Variants in SLC39A10 observed in about 807,000 individuals in gnomAD.
SLC39A10 encodes the protein zinc transporter ZIP10.
Under a neutral mutation model 65.1 loss-of-function variants are expected in SLC39A10, and 13 were observed. That is an observed-to-expected ratio of 0.20 (90% CI 0.13 to 0.32). The LOEUF (loss-of-function observed/expected upper bound fraction) is 0.32, where lower values mean the gene tolerates loss of function less well. Among genes scored for constraint, SLC39A10 ranks in the 10% least tolerant of loss-of-function variants. The probability of loss-of-function intolerance (pLI) is 1.00; values close to 1 mark genes in which losing one functional copy is unlikely to be tolerated. For missense variants in SLC39A10, 831 were observed against 1,018.4 expected, an observed-to-expected ratio of 0.82 and a Z score of 2.50; for synonymous variants, 321 against 342.2, an observed-to-expected ratio of 0.94 and a Z score of 0.68.
At chr2:195,635,053 A>C (rs1053680727) in intron 2 of SLC39A10, among the ~76,000 whole-genome samples, 14 of 152,226 alleles carry the variant, frequency 9.2e-5, no homozygotes, top group Admixed American at 2.0e-4. Context: ...TGTCTCCAAA[A>C]AAAACAAAAC....
chr2:195,656,754 C>G (rs1689154460), upstream of SLC39A10: 1 of 152,196 alleles, frequency 6.6e-6, no homozygotes, highest in African/African-American at 2.4e-5. Flanking sequence ...TCCAGTTGAT[C>G]ACTCTGAAGC....
intron 3 of SLC39A10, among the ~76,000 whole-genome samples, chr2:195,690,534 C>T (rs1398244283): frequency 1.3e-5 from 2 of 152,130 alleles, no homozygotes; most frequent in African/African-American, 4.8e-5. Flanking sequence ...CACATCTTTG[C>T]CAACACTTGT....
intron 9 of SLC39A10, among the ~76,000 whole-genome samples, chr2:195,733,955 G>A (rs1692505130): frequency 6.6e-6 from 1 of 152,048 alleles, no homozygotes; most frequent in Non-Finnish European, 1.5e-5. Flanking sequence ...TAGTTATGCT[G>A]GATAGCTCTG....
intron 3 of SLC39A10, among the ~76,000 whole-genome samples, chr2:195,700,043 T>G (rs548864662): frequency 1.3e-5 from 2 of 152,318 alleles, no homozygotes; most frequent in Non-Finnish European, 2.9e-5. Flanking sequence ...CCACCCCTGC[T>G]CTCTTTTGGT....
chr2:195,680,917 G>C lies in SLC39A10; in HGVS notation c.875G>C (p.Arg292Pro). Residue 292 changes from arginine (R) to proline (P), a missense_variant, in exon 2 of 10, where the codon CGT becomes CCT. Arg to Pro is a moderately radical substitution (Grantham distance 103). Transcript: ENST00000359634. ...LPERNGHDPG[R>P]GHQDLDPDNE... ...GAACGTAATGGTCATGATCCTGGTC[G>C]TGGACACCAAGATCTTGATCCTGAT... The C allele has an allele frequency of 6.2e-7, 1 of 1,613,992 alleles. No individual in the cohort carries two copies. The highest frequency in any genetic ancestry group is 8.5e-7 in the Non-Finnish European group (1 of 1,180,004).
intron 2 of SLC39A10, among the ~76,000 whole-genome samples, chr2:195,623,995 CTT>C (rs559350149): frequency 2.4e-4 from 36 of 151,686 alleles, no homozygotes; most frequent in Admixed American, 1.2e-3. Context: ...AAGTTAAAGA[CTT>C]TGTCATTTCC....
chr2:195,695,914 G>T (rs1690938762), intron 3 of SLC39A10, among the ~76,000 whole-genome samples: 1 of 152,078 alleles, frequency 6.6e-6, no homozygotes, highest in Admixed American at 6.5e-5. Flanking sequence ...ATAGTTTTAG[G>T]TCATATATTT....
upstream of SLC39A10, among the ~76,000 whole-genome samples, chr2:195,652,318 C>T (rs1316484211): frequency 1.3e-5 from 2 of 152,038 alleles, no homozygotes; most frequent in Admixed American, 6.5e-5. Flanking sequence ...GACGCCGAGG[C>T]GGGTGAATCA....
rs748486392 is a variant in SLC39A10 at position 195,734,994 on chromosome 2, G to C, written c.2449G>C (p.Val817Leu). Residue 817 changes from valine to leucine, a missense_variant, in exon 10 of 10, where the codon GTG becomes CTG. By Grantham distance (32) the Val-to-Leu change is conservative. Around this residue, in one of 4 missense-constraint regions of SLC39A10, gnomAD observed 120 missense variants for 203.9 expected, o/e 0.59. Coordinates refer to ENST00000359634, the MANE Select transcript of SLC39A10 (RefSeq NM_020342.3). Reference protein sequence around the residue: ...GLLFGFAIMLVIALYEDKIVF... With the variant: ...GLLFGFAIMLLIALYEDKIVF... Reference sequence around the variant, plus strand: ...GCTCTTTGGATTTGCCATTATGCTGGTGATTGCCCTCTATGAAGATAAAAT... The same window carrying C: ...GCTCTTTGGATTTGCCATTATGCTGCTGATTGCCCTCTATGAAGATAAAAT... The C allele has an allele frequency of 1.2e-6, 2 of 1,613,514 alleles. No homozygotes were observed. The highest frequency in any genetic ancestry group is 4.5e-5 in the East Asian group (2 of 44,820).
intron 2 of SLC39A10, among the ~76,000 whole-genome samples, chr2:195,621,158 A>T (rs1032803464): frequency 6.6e-6 from 1 of 152,212 alleles, no homozygotes; most frequent in African/African-American, 2.4e-5. Flanking sequence ...GACTGCTAGT[A>T]GTGGATGAGA....
chr2:195,697,794 C>T lies in SLC39A10; in HGVS notation c.1217-8822C>T, dbSNP rs548366378. On this transcript the variant is annotated intron_variant, in intron 3 of 9. Coordinates refer to ENST00000359634, the MANE Select transcript of SLC39A10 (RefSeq NM_020342.3). ...TAAACACTTTTCAATAAAAGACATACGTGCAGCCAACAAGCATATGAAGAA... is the reference window on the plus strand; with the variant it reads ...TAAACACTTTTCAATAAAAGACATATGTGCAGCCAACAAGCATATGAAGAA... Among the ~76,000 whole-genome samples, 5 of 152,224 alleles carry T rather than the reference C, an allele frequency of 3.3e-5. No individual in the cohort carries two copies. The South Asian group carries it at 1.0e-3, about 32-fold the overall frequency.
intron 2 of SLC39A10, among the ~76,000 whole-genome samples, chr2:195,634,393 T>A (rs535721995): frequency 1.3e-5 from 2 of 152,226 alleles, no homozygotes; most frequent in Non-Finnish European, 2.9e-5. Context: ...ATTATGTTTT[T>A]ATTAAAATTT....
chr2:195,705,133 A>G (rs910735969), intron 3 of SLC39A10, among the ~76,000 whole-genome samples: 7 of 152,136 alleles, frequency 4.6e-5, no homozygotes, highest in African/African-American at 1.2e-4. Flanking sequence ...TAACCAGGAT[A>G]TATTATTTTT....
chr2:195,629,392 CAAAAAAAA>C (rs60548307), intron 2 of SLC39A10, among the ~76,000 whole-genome samples: 36 of 79,806 alleles, frequency 4.5e-4, no homozygotes, highest in African/African-American at 1.5e-3. Context: ...AGATTCCTTT[CAAAAAAAA>C]AAAAAAAAAA....
chr2:195,682,741 G>A (rs1196934154), intron 2 of SLC39A10, among the ~76,000 whole-genome samples: 1 of 151,860 alleles, frequency 6.6e-6, no homozygotes, highest in Non-Finnish European at 1.5e-5. Context: ...GATGTATACT[G>A]GGAATCTCAT....
upstream of SLC39A10, chr2:195,657,155 G>A (rs911645963): frequency 6.4e-6 from 1 of 155,288 alleles, no homozygotes; most frequent in Non-Finnish European, 1.4e-5. Context: ...CGCAAGCGTA[G>A]CAGGGTGTCA....
intron 2 of SLC39A10, among the ~76,000 whole-genome samples, chr2:195,630,696 A>AT (rs1688568108): frequency 1.3e-5 from 2 of 152,270 alleles, no homozygotes; most frequent in South Asian, 4.1e-4. Flanking sequence ...ATTATGTATC[A>AT]TAACACCACA....
chr2:195,681,731 G>A (rs993756127), intron 2 of SLC39A10, among the ~76,000 whole-genome samples: 1 of 152,012 alleles, frequency 6.6e-6, no homozygotes, highest in Non-Finnish European at 1.5e-5. Flanking sequence ...GTCTCTTACT[G>A]TTATTATTGT....
intron 2 of SLC39A10, among the ~76,000 whole-genome samples, chr2:195,616,194 A>T (rs534281210): frequency 6.6e-6 from 1 of 152,092 alleles, no homozygotes; most frequent in Admixed American, 6.6e-5. Context: ...ACCTCATGTG[A>T]TCTGCCTGCC....
Sources: allele counts gnomAD v4.1 joint callset (sites outside exome capture counted in the v4.1 genomes callset), GRCh38; gene constraint gnomAD v4.1.1; regional missense constraint gnomAD v4.1.1; transcripts MANE v1.5; gene names NCBI Gene and HGNC (gene_info 2026-07-23, HGNC 2026-07-21).